Variants in CD34 observed in about 807,000 individuals in gnomAD.
CD34 encodes the protein CD34 molecule.
Under a neutral mutation model 40.1 loss-of-function variants are expected in CD34, and 34 were observed. The ratio of observed to expected loss-of-function variants is 0.85; its 90% CI spans 0.65 to 1.13. The LOEUF (loss-of-function observed/expected upper bound fraction) is 1.13, where lower values mean the gene tolerates loss of function less well. CD34 is among the 50% of genes most tolerant of loss of function. The pLI is 0.00. For synonymous variants in CD34, 209 were observed against 190.0 expected (o/e 1.10, Z -0.82); for missense variants, 426 against 466.9 (o/e 0.91, Z 0.81).
At chr1:207,910,854 C>CG (rs60466811) in intron 1 of CD34, 148 bp downstream of exon 1, 295,832 of 771,476 alleles carry the variant, frequency 0.38, 59,082 homozygotes, top group Middle Eastern at 0.41. Context: ...GCGCTGGCCC[C>CG]GGGGGGAAGC....
Position 207,883,166 on chromosome 1 carries a change from G to A in CD34, c.*4572C>T, listed in dbSNP as rs939620215. ...TGACACCCGGATCTTTCTGGTACTC[G>A]GCTTCCCTTAACACATTCTACTTCT... On this transcript the variant is annotated 3_prime_UTR_variant, in exon 8 of 8. Transcript: ENST00000310833. The A allele has an allele frequency of 7.2e-5, 11 of 152,106 alleles. No individual in the cohort carries two copies. Among genetic ancestry groups the A allele is most frequent in the Non-Finnish European group, 2.9e-5 (2 of 68,046 alleles). 9.4% of individuals were successfully genotyped at this position (152,106 alleles called of 1,614,324 possible).
At position 207,886,558 on chromosome 1, in the gene CD34, A is replaced by T. The variant is rs1232311147; in HGVS notation, c.*1180T>A. ...ACAGATGTGTTTCAGTATCACTTTA[A>T]TTGCAGTATTTAAACACATCACTTT... On this transcript the variant is annotated 3_prime_UTR_variant, in exon 8 of 8. Coordinates refer to ENST00000310833, the MANE Select transcript of CD34 (RefSeq NM_001025109.2). 1 of 152,592 alleles carries T rather than the reference A, an allele frequency of 6.6e-6. No homozygotes were observed. Among genetic ancestry groups the T allele is most frequent in the Non-Finnish European group, 1.5e-5 (1 of 68,048 alleles). 9.5% of individuals were successfully genotyped at this position (152,592 alleles called of 1,614,324 possible).
At chr1:207,909,219 C>T (rs1182857159) in intron 1 of CD34, among the ~76,000 whole-genome samples, 1 of 152,070 alleles carries the variant, frequency 6.6e-6, no homozygotes, top group Non-Finnish European at 1.5e-5. Flanking sequence ...GGTTGTGTTG[C>T]TCCCCCAACC....
At position 207,889,538 on chromosome 1, in the gene CD34, C is replaced by T; in HGVS notation, c.681G>A (p.Gln227=). 6.2e-7 allele frequency: 1 copy of T among 1,614,146 alleles called. No homozygotes were observed. Among genetic ancestry groups the T allele is most frequent in the Non-Finnish European group, 8.5e-7 (1 of 1,180,012 alleles). Residue 227 remains glutamine, a synonymous_variant, in exon 5 of 8, where the codon CAG becomes CAA. Coordinates refer to ENST00000310833, the MANE Select transcript of CD34 (RefSeq NM_001025109.2). ...ACTGGGCAAGGAGCAGGGAGCATAC[C>T]TGGGCCCCAGCATCAGCATCAGCCT... ...EEQADADAGA[Q]VCSLLLAQSE... is the part of the protein sequence containing the mutation.
At chr1:207,909,642 C>A (rs1366620905) in intron 1 of CD34, among the ~76,000 whole-genome samples, 1 of 152,162 alleles carries the variant, frequency 6.6e-6, no homozygotes, top group East Asian at 1.9e-4. Flanking sequence ...CTCTTGACCT[C>A]ATGATCTGCC....
rs894447752 is a variant in CD34 at position 207,909,001 on chromosome 1, T to A, written c.79+2001A>T. ...AAGGTACACTCAGTTATCTCATTTA[T>A]CCCACAATGTATCCCAGGACTGAAA... is the stretch of plus-strand genomic sequence containing the variant. On this transcript the variant is annotated intron_variant, in intron 1 of 7. Coordinates refer to ENST00000310833, the MANE Select transcript of CD34 (RefSeq NM_001025109.2). Among the ~76,000 whole-genome samples, 5 of 152,214 alleles carry A rather than the reference T, an allele frequency of 3.3e-5. No homozygotes were observed. In the East Asian group the frequency reaches 7.7e-4, roughly 23 times the overall value.
intron 7 of CD34, chr1:207,888,247 G>T: frequency 1.1e-6 from 1 of 939,396 alleles, no homozygotes; most frequent in Non-Finnish European, 1.7e-6. Flanking sequence ...CAGGCCAGAG[G>T]CCAAGATTCA....
Position 207,887,897 on chromosome 1 carries a change from G to A in CD34, c.999C>T (p.Asn333=), listed in dbSNP as rs545215214. The A allele has an allele frequency of 1.2e-5, 20 of 1,613,986 alleles. No individual in the cohort carries two copies. Among genetic ancestry groups the A allele is most frequent in the Middle Eastern group, 3.3e-4 (2 of 6,062 alleles). Residue 333 remains asparagine (N), a synonymous_variant, in exon 8 of 8, where the codon AAC becomes AAT. Coordinates refer to ENST00000310833, the MANE Select transcript of CD34 (RefSeq NM_001025109.2). ...CTGAGCTATAGCCCTGGCCTCCACC[G>A]TTTTCCGTGTAATAAGGGTCTTCGC... The part of the protein sequence containing the change: ...RLGEDPYYTE[N]GGGQGYSSGP...
In CD34 at chr1:207,881,249, T is replaced by C; in HGVS notation, c.*6489A>G. On this transcript the variant is annotated 3_prime_UTR_variant, in exon 8 of 8. Transcript: ENST00000310833. ...TCTGAGGTCAAAACAATTTGAATAATAATACTACAAATCTATTTTCCTTTT... is the reference window on the plus strand; with the variant it reads ...TCTGAGGTCAAAACAATTTGAATAACAATACTACAAATCTATTTTCCTTTT... 1 of 152,226 alleles carries C rather than the reference T, an allele frequency of 6.6e-6. No individual in the cohort carries two copies. Among genetic ancestry groups the C allele is most frequent in the Non-Finnish European group, 1.5e-5 (1 of 68,050 alleles). The allele number at this position is 152,226 out of a possible 1,614,324, so 9.4% of individuals were successfully genotyped here.
At position 207,886,423 on chromosome 1, in the gene CD34, C is replaced by CCAA. The variant is rs3043877; in HGVS notation, c.*1314_*1315insTTG. On this transcript the variant is annotated 3_prime_UTR_variant, in exon 8 of 8. Transcript: ENST00000310833. ...TGGTGCCTGTGTCTGCTGAGGTGCT[C>CCAA]CCTCTTCCCTGGCTGGTCCTCCCCA... 54,030 of 151,972 alleles carry CCAA rather than the reference C, an allele frequency of 0.36. 10,267 individuals carry two copies. The highest frequency in any genetic ancestry group is 0.83 in the East Asian group (4,264 of 5,138). 9.4% of individuals were successfully genotyped at this position (151,972 alleles called of 1,614,324 possible).
At chr1:207,900,820 T>C (rs1174433309) in intron 1 of CD34, among the ~76,000 whole-genome samples, 3 of 152,194 alleles carry the variant, frequency 2.0e-5, no homozygotes, top group African/African-American at 7.2e-5. Context: ...CTCAGCTCTC[T>C]TACCTCTTAA....
intron 1 of CD34, among the ~76,000 whole-genome samples, chr1:207,903,953 CGA>C (rs1019349237): frequency 2.6e-5 from 4 of 152,102 alleles, no homozygotes; most frequent in African/African-American, 9.7e-5. Flanking sequence ...AACATAGCCA[CGA>C]CATGTTCATG....
At chr1:207,896,102 TG>T (rs1289218934) in intron 4 of CD34, among the ~76,000 whole-genome samples, 1 of 152,216 alleles carries the variant, frequency 6.6e-6, no homozygotes, top group African/African-American at 2.4e-5. Flanking sequence ...CGAGTTAGAA[TG>T]GAAAAAATAA....
intron 3 of CD34, 141 bp from the exon 4 acceptor site, chr1:207,897,714 T>A: frequency 1.5e-6 from 1 of 671,096 alleles, no homozygotes; most frequent in South Asian, 1.7e-5. Context: ...ATTTAAAATT[T>A]GTCAGGGGAC....
chr1:207,889,962 G>T, intron 4 of CD34: 3 of 1,460,264 alleles, frequency 2.1e-6, no homozygotes, highest in Non-Finnish European at 2.7e-6. Flanking sequence ...TATTAATAAT[G>T]CAATAATAAC....
At position 207,899,039 on chromosome 1, in the gene CD34, G is replaced by A. The variant is rs1407540607; in HGVS notation, c.450C>T (p.Ser150=). 9 of 1,613,984 alleles carry A rather than the reference G, an allele frequency of 5.6e-6. No homozygotes were observed. Among genetic ancestry groups the A allele is most frequent in the Non-Finnish European group, 7.6e-6 (9 of 1,179,916 alleles). The change falls in exon 3 of 8, where the codon AGC becomes AGT. Residue 150 remains serine (S), a synonymous_variant. Coordinates refer to ENST00000310833, the MANE Select transcript of CD34 (RefSeq NM_001025109.2). ...TAGTGGGAGATGTTGCAAGGCTAGTGCTAGTGGTTGAAAGGTCTGAAACAT... is the reference window on the plus strand; with the variant it reads ...TAGTGGGAGATGTTGCAAGGCTAGTACTAGTGGTTGAAAGGTCTGAAACAT... ...PGNVSDLSTT[S]TSLATSPTKP... is the part of the protein sequence containing the mutation.
intron 4 of CD34, among the ~76,000 whole-genome samples, chr1:207,894,201 A>G (rs898536471): frequency 1.2e-4 from 18 of 152,238 alleles, no homozygotes; most frequent in Non-Finnish European, 2.4e-4. Flanking sequence ...TACACTTACA[A>G]TGGAATATCA....
chr1:207,897,750 C>T (rs548702543), intron 3 of CD34, among the ~76,000 whole-genome samples, 177 bp from the exon 4 acceptor site: 5 of 152,312 alleles, frequency 3.3e-5, no homozygotes, highest in South Asian at 4.1e-4. Flanking sequence ...GTCATACTCT[C>T]GTCTATTTCA....
chr1:207,899,795 G>C (rs1363066364), intron 2 of CD34, 26 bp downstream of exon 2: 1 of 1,592,986 alleles, frequency 6.3e-7, no homozygotes. Flanking sequence ...CATCTCTCCG[G>C]GATCTGACAC....
Sources: allele counts gnomAD v4.1 joint callset (sites outside exome capture counted in the v4.1 genomes callset), GRCh38; gene constraint gnomAD v4.1.1; transcripts MANE v1.5; gene names NCBI Gene and HGNC (gene_info 2026-07-23, HGNC 2026-07-21).